The following TECRL variants were observed in gnomAD, a reference collection of about 807,000 sequenced individuals.
The protein encoded by TECRL is trans-2,3-enoyl-CoA reductase-like.
TECRL carries 63 observed loss-of-function variants against 52.8 expected under a neutral mutation model. The ratio of observed to expected loss-of-function variants is 1.19; its 90% CI spans 0.97 to 1.47. The LOEUF (loss-of-function observed/expected upper bound fraction) is 1.47. TECRL is among the 40% of genes most tolerant of loss of function. The pLI is 0.00. For missense variants in TECRL, 482 were observed against 429.6 expected (o/e 1.12, Z -1.08); for synonymous variants, 164 against 141.9 (o/e 1.16, Z -1.10).
In TECRL at chr4:64,402,182, T is replaced by C. The variant is rs146769596; in HGVS notation, c.234+6936A>G. Among the ~76,000 whole-genome samples the C allele has an allele frequency of 1.1e-4, 17 of 152,224 alleles. No homozygotes were observed. The East Asian group carries it at 2.9e-3, about 26-fold the overall frequency. On this transcript the variant is annotated intron_variant, in intron 1 of 11. Transcript: ENST00000381210. ...TATTGTAAAATAACATTTAGATGGC[T>C]TTCAAATGTTTGAATCATGGCAGTG...
chr4:64,300,471 T>C (rs1170415963), intron 7 of TECRL, among the ~76,000 whole-genome samples: 1 of 150,742 alleles, frequency 6.6e-6, no homozygotes, highest in Non-Finnish European at 1.5e-5. Context: ...ATAACAAATA[T>C]ATGATGTATT....
At chr4:64,365,321 A>T (rs1721519503) in intron 2 of TECRL, among the ~76,000 whole-genome samples, 1 of 152,154 alleles carries the variant, frequency 6.6e-6, no homozygotes, top group African/African-American at 2.4e-5. Context: ...GATACCGTAA[A>T]CAAGACAAAG....
chr4:64,323,755 A>G, intron 3 of TECRL, among the ~76,000 whole-genome samples: 1 of 152,172 alleles, frequency 6.6e-6, no homozygotes, highest in Non-Finnish European at 1.5e-5. Flanking sequence ...TTGAAAGGAG[A>G]AGATTCAGTG....
chr4:64,281,203 TAC>T lies in TECRL; in HGVS notation c.919-119_919-118del, dbSNP rs1722807426. 7 of 632,774 alleles carry T rather than the reference TAC, an allele frequency of 1.1e-5. No individual in the cohort carries two copies. In the East Asian group the frequency reaches 1.8e-4, roughly 17 times the overall value. The allele number at this position is 632,774 out of a possible 1,614,324, so 39.2% of individuals were successfully genotyped here. Reference sequence around the variant, plus strand: ...ATATTAGAAAACTTATAGATAGGAATACATTTTCAAGAAATAATAATTTAATT... The same window carrying T: ...ATATTAGAAAACTTATAGATAGGAATATTTTCAAGAAATAATAATTTAATT... On this transcript the variant is annotated intron_variant, in intron 10 of 11. Transcript: ENST00000381210.
intron 1 of TECRL, among the ~76,000 whole-genome samples, chr4:64,380,226 C>G (rs1338662389): frequency 6.6e-6 from 1 of 151,930 alleles, no homozygotes; most frequent in Non-Finnish European, 1.5e-5. Context: ...AGATTATTTG[C>G]CCAATTTTCC....
intron 1 of TECRL, among the ~76,000 whole-genome samples, chr4:64,395,514 G>A (rs1229106272): frequency 6.6e-6 from 1 of 152,174 alleles, no homozygotes; most frequent in African/African-American, 2.4e-5. Flanking sequence ...TGATTTGACA[G>A]ATTCATTGTC....
At chr4:64,388,866 A>G (rs769317499) in intron 1 of TECRL, among the ~76,000 whole-genome samples, 1 of 152,014 alleles carries the variant, frequency 6.6e-6, no homozygotes, top group Non-Finnish European at 1.5e-5. Context: ...TGTTTTATAT[A>G]TAATTTTGAA....
intron 2 of TECRL, 96 bp from the exon 3 acceptor site, chr4:64,328,652 AGT>A (rs1262264408): frequency 2.8e-6 from 3 of 1,065,320 alleles, no homozygotes; most frequent in African/African-American, 1.6e-5. Context: ...AGATCTAGGA[AGT>A]AAATAAAATG....
chr4:64,297,581 C>T (rs1723760339), intron 8 of TECRL, among the ~76,000 whole-genome samples: 1 of 150,932 alleles, frequency 6.6e-6, no homozygotes, highest in African/African-American at 2.4e-5. Context: ...TTACAATAAA[C>T]AGTACATAGT....
chr4:64,298,490 A>G (rs1317848244), intron 8 of TECRL, among the ~76,000 whole-genome samples: 2 of 151,274 alleles, frequency 1.3e-5, no homozygotes, highest in Non-Finnish European at 3.0e-5. Flanking sequence ...ACATTTTATG[A>G]AAAATATTAT....
chr4:64,352,659 T>G (rs918440752), intron 2 of TECRL, among the ~76,000 whole-genome samples: 2 of 152,182 alleles, frequency 1.3e-5, no homozygotes, highest in African/African-American at 4.8e-5. Flanking sequence ...ACTTCCTCTA[T>G]AGTAAAATTG....
At chr4:64,392,337 G>A (rs1723602465) in intron 1 of TECRL, among the ~76,000 whole-genome samples, 1 of 151,690 alleles carries the variant, frequency 6.6e-6, no homozygotes, top group Non-Finnish European at 1.5e-5. Flanking sequence ...ATATTTATTT[G>A]CGTCTACACT....
rs528657407 is a variant in TECRL, at chr4:64,303,826, G to C, written c.730+1340C>G. On this transcript the variant is annotated intron_variant, in intron 7 of 11. Transcript: ENST00000381210. ...CTCATGTATATTACAACCATGTTAA[G>C]TGTGGACTTCCTAGACAAGATATTC... Among the ~76,000 whole-genome samples the C allele has an allele frequency of 1.8e-4, 27 of 151,866 alleles. No individual in the cohort carries two copies. In the South Asian group the frequency reaches 5.4e-3, roughly 30 times the overall value.
chr4:64,311,571 G>C (rs779387800), intron 5 of TECRL, among the ~76,000 whole-genome samples: 3 of 152,080 alleles, frequency 2.0e-5, no homozygotes, highest in African/African-American at 7.2e-5. Flanking sequence ...AGAAATTTTG[G>C]TTCAAGCTAT....
chr4:64,314,567 T>C, intron 5 of TECRL, 81 bp downstream of exon 5: 1 of 1,059,552 alleles, frequency 9.4e-7, no homozygotes. Context: ...TGCTTACTAG[T>C]TCATCCCCTC....
chr4:64,370,403 A>G (rs984953655), intron 2 of TECRL, among the ~76,000 whole-genome samples: 1 of 152,018 alleles, frequency 6.6e-6, no homozygotes, highest in Non-Finnish European at 1.5e-5. Context: ...TGATAAGCAC[A>G]GGAGGCTAAT....
chr4:64,310,030 T>C (rs1724578689), intron 5 of TECRL, 99 bp from the exon 6 acceptor site: 5 of 625,820 alleles, frequency 8.0e-6, no homozygotes, highest in Admixed American at 3.5e-5. Flanking sequence ...ATATGCTAGC[T>C]ATTGGGAAAC....
At chr4:64,373,234 A>C (rs144117944) in intron 2 of TECRL, among the ~76,000 whole-genome samples, 189 of 151,840 alleles carry the variant, frequency 1.2e-3, no homozygotes, top group African/African-American at 4.3e-3. Context: ...AAATAATATT[A>C]AAATAAAGAT....
At chr4:64,376,178 T>A (rs1299398923) in intron 1 of TECRL, among the ~76,000 whole-genome samples, 1 of 151,920 alleles carries the variant, frequency 6.6e-6, no homozygotes, top group Non-Finnish European at 1.5e-5. Context: ...TAACAACAAA[T>A]ACATTTATTT....
Sources: gnomAD v4.1 joint callset for allele counts (sites outside exome capture counted in the v4.1 genomes callset) on GRCh38, gnomAD v4.1.1 for gene constraint, MANE v1.5 for transcripts, NCBI Gene and HGNC (gene_info 2026-07-23, HGNC 2026-07-21) for gene names.